Variants in HMGCLL1 observed in about 807,000 individuals in gnomAD.
The protein encoded by HMGCLL1 is 3-hydroxy-3-methylglutaryl-CoA lyase like 1, also known as 3-hydroxymethyl-3-methylglutaryl-CoA lyase, cytoplasmic.
Under a neutral mutation model 39.1 loss-of-function variants are expected in HMGCLL1, and 36 were observed. The observed-to-expected ratio is 0.92, with a 90% CI of 0.71 to 1.22. HMGCLL1 has a LOEUF of 1.22. Among genes scored for constraint, HMGCLL1 ranks in the 50% most tolerant of loss-of-function variants. The pLI is 0.00. For synonymous variants in HMGCLL1, 149 were observed against 144.0 expected (o/e 1.03, Z -0.25); for missense variants, 451 against 416.5 (o/e 1.08, Z -0.72).
chr6:55,500,138 G>A (rs1010268306), intron 5 of HMGCLL1, among the ~76,000 whole-genome samples: 3 of 151,962 alleles, frequency 2.0e-5, no homozygotes, highest in Non-Finnish European at 2.9e-5. Flanking sequence ...GGAGAGGGAT[G>A]GTGGGAAATG....
At position 55,551,361 on chromosome 6, in the gene HMGCLL1, T is replaced by C. The variant is rs564736920; in HGVS notation, c.109-9221A>G. ...CTTATTCCCTGTGGTTATTTCTCAGTCCCTGAGTATATAATTGGAAATAAC... is the reference window on the plus strand; with the variant it reads ...CTTATTCCCTGTGGTTATTTCTCAGCCCCTGAGTATATAATTGGAAATAAC... On this transcript the variant is annotated intron_variant, in intron 1 of 8. Coordinates refer to ENST00000274901, the MANE Select transcript of HMGCLL1 (RefSeq NM_001042406.2). 4.9e-4 allele frequency among the ~76,000 whole-genome samples: 75 copies of C among 152,036 alleles called. 1 individual carries two copies. The highest frequency in any genetic ancestry group is 1.5e-3 in the African/African-American group (64 of 41,330).
the HMGCLL1 span, among the ~76,000 whole-genome samples, chr6:55,630,799 C>T: frequency 6.6e-6 from 1 of 152,044 alleles, no homozygotes; most frequent in Non-Finnish European, 1.5e-5. Flanking sequence ...ACATGACTTG[C>T]TCCTCCTTGC....
the HMGCLL1 span, among the ~76,000 whole-genome samples, chr6:55,609,635 GT>G: frequency 2.0e-5 from 3 of 149,094 alleles, no homozygotes; most frequent in African/African-American, 7.5e-5. Context: ...TGACAAGTGG[GT>G]TTCCCCCCAG....
the HMGCLL1 span, among the ~76,000 whole-genome samples, chr6:55,672,954 C>A: frequency 1.3e-5 from 2 of 151,878 alleles, no homozygotes; most frequent in Non-Finnish European, 2.9e-5. Context: ...ACTAAGATTT[C>A]TAATTTTCCC....
intron 7 of HMGCLL1, among the ~76,000 whole-genome samples, chr6:55,460,570 T>C (rs1471680054): frequency 6.6e-6 from 1 of 151,922 alleles, no homozygotes; most frequent in Non-Finnish European, 1.5e-5. Flanking sequence ...AAATCACAAT[T>C]CTAAATATTT....
intron 7 of HMGCLL1, among the ~76,000 whole-genome samples, chr6:55,451,090 G>A (rs1344247866): frequency 2.0e-5 from 3 of 152,104 alleles, no homozygotes; most frequent in Admixed American, 1.3e-4. Context: ...AAGAGAAGGG[G>A]ATGGAGCTAA....
the HMGCLL1 span, among the ~76,000 whole-genome samples, chr6:55,605,620 A>C: frequency 1.3e-5 from 2 of 152,070 alleles, no homozygotes; most frequent in East Asian, 3.9e-4. Context: ...ACTCATTTTC[A>C]TATATTGATT....
At chr6:55,507,226 G>A (rs1185113868) in intron 5 of HMGCLL1, among the ~76,000 whole-genome samples, 2 of 151,638 alleles carry the variant, frequency 1.3e-5, no homozygotes, top group Non-Finnish European at 2.9e-5. Flanking sequence ...CTATATCTGT[G>A]GGTTAAACTT....
intron 6 of HMGCLL1, among the ~76,000 whole-genome samples, chr6:55,498,789 TCACAAAAGGACAAGAA>T: frequency 6.6e-6 from 1 of 152,122 alleles, no homozygotes; most frequent in Admixed American, 6.6e-5. Flanking sequence ...ATCTCCAGGA[TCACAAAAGGACAAGAA>T]CACAAAAGTA....
At chr6:55,628,597 T>C in the HMGCLL1 span, among the ~76,000 whole-genome samples, 1 of 151,986 alleles carries the variant, frequency 6.6e-6, no homozygotes, top group Non-Finnish European at 1.5e-5. Context: ...CACTCTCTCC[T>C]GGCCTGCAAG....
chr6:55,447,414 T>C (rs183719482), intron 7 of HMGCLL1, among the ~76,000 whole-genome samples: 107 of 152,166 alleles, frequency 7.0e-4, no homozygotes, highest in Admixed American at 8.5e-4. Flanking sequence ...TGTTGAGGAA[T>C]GACTAAGCTA....
chr6:55,499,617 A>G (rs557448874), intron 5 of HMGCLL1, among the ~76,000 whole-genome samples: 1 of 152,188 alleles, frequency 6.6e-6, no homozygotes, highest in Admixed American at 6.6e-5. Context: ...AGTGAAATAT[A>G]TGGTTTTATT....
intron 1 of HMGCLL1, among the ~76,000 whole-genome samples, chr6:55,573,265 GAGA>G (rs1222916633): frequency 2.0e-5 from 3 of 152,116 alleles, no homozygotes; most frequent in African/African-American, 4.8e-5. Flanking sequence ...AATCCCACCT[GAGA>G]AGGACAGTAT....
chr6:55,590,430 C>A, the HMGCLL1 span, among the ~76,000 whole-genome samples: 1 of 152,048 alleles, frequency 6.6e-6, no homozygotes, highest in African/African-American at 2.4e-5. Flanking sequence ...AAATGTTAGA[C>A]CTAAAACCAT....
At chr6:55,545,228 A>C (rs1183959658) in intron 1 of HMGCLL1, among the ~76,000 whole-genome samples, 1 of 150,170 alleles carries the variant, frequency 6.7e-6, no homozygotes, top group African/African-American at 2.5e-5. Context: ...AAAAAAAAAA[A>C]GAAGAAAAAG....
intron 7 of HMGCLL1, among the ~76,000 whole-genome samples, chr6:55,485,663 A>T (rs986482918): frequency 2.6e-5 from 4 of 151,978 alleles, no homozygotes; most frequent in Admixed American, 2.6e-4. Context: ...CAATTAATTT[A>T]AAAAATACAA....
intron 1 of HMGCLL1, 45 bp downstream of exon 1, chr6:55,578,903 A>G (rs1373059143): frequency 7.2e-7 from 1 of 1,393,834 alleles, no homozygotes; most frequent in Admixed American, 1.8e-5. Context: ...GCTGGCTGTC[A>G]GTGTGCGCAT....
rs1050543168 is a variant in HMGCLL1, at chr6:55,539,229, A to G, written c.297+2500T>C. On this transcript the variant is annotated intron_variant, in intron 3 of 8. Coordinates refer to ENST00000274901, the MANE Select transcript of HMGCLL1 (RefSeq NM_001042406.2). ...TATAGACAGTCTTGAATACCAAACC[A>G]AAGTTTCCAGGCTTTGTCAATGGGA... Among the ~76,000 whole-genome samples, 5 of 152,314 alleles carry G rather than the reference A, an allele frequency of 3.3e-5. No individual in the cohort carries two copies. The East Asian group carries it at 9.6e-4, about 29-fold the overall frequency.
At chr6:55,675,984 A>C in the HMGCLL1 span, among the ~76,000 whole-genome samples, 2 of 152,186 alleles carry the variant, frequency 1.3e-5, no homozygotes, top group African/African-American at 4.8e-5. Flanking sequence ...GCAATGCTTG[A>C]AATCAAGAAT....
Sources: allele counts gnomAD v4.1 joint callset (sites outside exome capture counted in the v4.1 genomes callset), GRCh38; gene constraint gnomAD v4.1.1; transcripts MANE v1.5; gene names NCBI Gene and HGNC (gene_info 2026-07-23, HGNC 2026-07-21).